The following SDK1 variants were observed in gnomAD, a reference collection of about 807,000 sequenced individuals.
SDK1 encodes the protein sidekick cell adhesion molecule 1, also known as protein sidekick-1.
SDK1 carries 157 observed loss-of-function variants against 245.5 expected under a neutral mutation model. That is an observed-to-expected ratio of 0.64 (90% CI 0.56 to 0.73). The LOEUF (loss-of-function observed/expected upper bound fraction) is 0.73. Among genes scored for constraint, SDK1 ranks in the 30% least tolerant of loss-of-function variants. The probability of loss-of-function intolerance (pLI) is 0.00; values close to 1 mark genes in which losing one functional copy is unlikely to be tolerated. For synonymous variants in SDK1, 1,647 were observed against 1,278.5 expected, an observed-to-expected ratio of 1.29 and a Z score of -6.15; for missense variants, 3,583 against 3,002.3, an observed-to-expected ratio of 1.19 and a Z score of -4.52.
chr7:3,570,321 A>G (rs1780068236), intron 1 of SDK1, among the ~76,000 whole-genome samples: 2 of 152,124 alleles, frequency 1.3e-5, no homozygotes, highest in Admixed American at 6.5e-5. Flanking sequence ...TCACGTGCAC[A>G]GTTCACAGTA....
chr7:4,154,653 G>A (rs1780608031), intron 30 of SDK1, among the ~76,000 whole-genome samples: 2 of 152,154 alleles, frequency 1.3e-5, no homozygotes, highest in African/African-American at 4.8e-5. Context: ...TGCGTGATGG[G>A]ATGTCATTTT....
intron 1 of SDK1, among the ~76,000 whole-genome samples, chr7:3,537,181 G>A (rs542466255): frequency 6.6e-6 from 1 of 152,128 alleles, no homozygotes; most frequent in Non-Finnish European, 1.5e-5. Context: ...TATCATCATG[G>A]ATTAGTGTTT....
In SDK1 at chr7:3,485,487, G is replaced by C. The variant is rs536943891; in HGVS notation, c.299-133593G>C. 5.3e-5 allele frequency among the ~76,000 whole-genome samples: 8 copies of C among 152,238 alleles called. No individual in the cohort carries two copies. The South Asian group carries it at 1.5e-3, about 28-fold the overall frequency. On this transcript the variant is annotated intron_variant, in intron 1 of 44. Coordinates refer to ENST00000404826, the MANE Select transcript of SDK1 (RefSeq NM_152744.4). ...AGCATAGGTGTTTTCCCTCCAGGCTGTGCTGCCTGGGGATGAGGTACCAGG... is the reference window on the plus strand; with the variant it reads ...AGCATAGGTGTTTTCCCTCCAGGCTCTGCTGCCTGGGGATGAGGTACCAGG...
At chr7:3,703,062 A>T (rs79380339) in intron 4 of SDK1, among the ~76,000 whole-genome samples, 3 of 93,586 alleles carry the variant, frequency 3.2e-5, no homozygotes. Flanking sequence ...CTCTGTCTCA[A>T]AAAAAAAAAA....
intron 4 of SDK1, among the ~76,000 whole-genome samples, chr7:3,679,627 G>C (rs1784034718): frequency 6.6e-6 from 1 of 152,174 alleles, no homozygotes; most frequent in Non-Finnish European, 1.5e-5. Flanking sequence ...AGGATATACA[G>C]ATGTCAAACA....
chr7:3,367,471 A>G (rs1355266073), intron 1 of SDK1, among the ~76,000 whole-genome samples: 3 of 152,336 alleles, frequency 2.0e-5, no homozygotes, highest in South Asian at 2.1e-4. Context: ...TCCTCAGTCA[A>G]TACTAGAAAA....
chr7:3,868,391 G>A (rs1380732183), intron 5 of SDK1, among the ~76,000 whole-genome samples: 1 of 152,066 alleles, frequency 6.6e-6, no homozygotes, highest in African/African-American at 2.4e-5. Flanking sequence ...CTGTCTGTGT[G>A]GAGGAACTAT....
chr7:3,365,291 G>T (rs1040212327), intron 1 of SDK1, among the ~76,000 whole-genome samples: 1 of 152,158 alleles, frequency 6.6e-6, no homozygotes, highest in Non-Finnish European at 1.5e-5. Flanking sequence ...TTTTCATCTT[G>T]TGCTTTTCTA....
intron 2 of SDK1, among the ~76,000 whole-genome samples, chr7:3,620,107 A>G (rs1308205223): frequency 1.3e-5 from 2 of 152,108 alleles, no homozygotes; most frequent in African/African-American, 2.4e-5. Context: ...TGGGCTGTAT[A>G]GAGGCATTTT....
At chr7:3,995,776 T>G (rs990264970) in intron 14 of SDK1, among the ~76,000 whole-genome samples, 2 of 152,076 alleles carry the variant, frequency 1.3e-5, no homozygotes, top group African/African-American at 4.8e-5. Context: ...TGCTATGATC[T>G]GTTCATTTTC....
intron 1 of SDK1, among the ~76,000 whole-genome samples, chr7:3,530,262 G>A (rs1167801880): frequency 1.3e-5 from 2 of 152,114 alleles, no homozygotes; most frequent in Non-Finnish European, 2.9e-5. Context: ...TTGCCTGAGA[G>A]TAGGAATTAG....
rs1168589085 is a variant in SDK1 at position 3,677,652 on chromosome 7, AC to A, written c.713+35549del. On this transcript the variant is annotated intron_variant, in intron 4 of 44. Coordinates refer to ENST00000404826, the MANE Select transcript of SDK1 (RefSeq NM_152744.4). Reference sequence around the variant, plus strand: ...GAGATTTGGGTAGGGACACAGCCAAACCATATCAATTGTTAAATGTAAAGAC... The same window carrying A: ...GAGATTTGGGTAGGGACACAGCCAAACATATCAATTGTTAAATGTAAAGAC... 2.0e-5 allele frequency among the ~76,000 whole-genome samples: 3 copies of A among 152,384 alleles called. No individual in the cohort carries two copies. The East Asian group carries it at 5.8e-4, about 29-fold the overall frequency.
intron 15 of SDK1, 89 bp downstream of exon 15, chr7:4,011,202 C>A (rs532918507): frequency 1.4e-6 from 2 of 1,470,944 alleles, no homozygotes; most frequent in East Asian, 2.4e-5. Context: ...TGGAATTGAT[C>A]ACAGCAACCC....
chr7:3,948,289 G>A (rs140889187), intron 5 of SDK1, among the ~76,000 whole-genome samples: 471 of 118,642 alleles, frequency 4.0e-3, no homozygotes, highest in African/African-American at 0.015. Flanking sequence ...ACGGAGTCTC[G>A]CTCTGTCACC....
At chr7:3,526,468 T>C (rs1411538242) in intron 1 of SDK1, among the ~76,000 whole-genome samples, 2 of 152,252 alleles carry the variant, frequency 1.3e-5, no homozygotes, top group African/African-American at 4.8e-5. Flanking sequence ...TCCCTTTCTA[T>C]AACATATAGT....
chr7:3,924,880 C>T (rs1779714364), intron 5 of SDK1, among the ~76,000 whole-genome samples: 9 of 152,222 alleles, frequency 5.9e-5, no homozygotes, highest in Admixed American at 5.9e-4. Flanking sequence ...GTGGACGACT[C>T]ACTTGTCTGG....
chr7:3,469,806 T>G (rs1279847983), intron 1 of SDK1, among the ~76,000 whole-genome samples: 3 of 152,204 alleles, frequency 2.0e-5, no homozygotes, highest in Non-Finnish European at 4.4e-5. Flanking sequence ...AGAATAAATC[T>G]GTCAGGCATT....
chr7:3,828,829 T>C (rs543882182), intron 5 of SDK1, among the ~76,000 whole-genome samples: 1 of 152,066 alleles, frequency 6.6e-6, no homozygotes, highest in African/African-American at 2.4e-5. Context: ...TTTTTTAATT[T>C]CTTTTTTTTT....
chr7:4,087,476 C>CGG (rs1562790481), intron 22 of SDK1, among the ~76,000 whole-genome samples: 13 of 112,508 alleles, frequency 1.2e-4, no homozygotes, highest in African/African-American at 7.8e-4. Flanking sequence ...GACACACACG[C>CGG]GCGCACACAC....
Sources: allele counts gnomAD v4.1 joint callset (sites outside exome capture counted in the v4.1 genomes callset), GRCh38; gene constraint gnomAD v4.1.1; transcripts MANE v1.5; gene names NCBI Gene and HGNC (gene_info 2026-07-23, HGNC 2026-07-21).